DDRGK1: variants seen among roughly 807,000 people sequenced by gnomAD.
The protein encoded by DDRGK1 is DDRGK domain containing 1.
Under a neutral mutation model 45.8 loss-of-function variants are expected in DDRGK1, and 38 were observed. The ratio of observed to expected loss-of-function variants is 0.83; its 90% CI spans 0.64 to 1.09. DDRGK1 has a LOEUF of 1.09. Among genes scored for constraint, DDRGK1 ranks in the 50% least tolerant of loss-of-function variants. DDRGK1 has a pLI of 0.00. For synonymous variants in DDRGK1, 171 were observed against 168.7 expected (o/e 1.01, Z -0.11); for missense variants, 403 against 419.9 (o/e 0.96, Z 0.35).
chr20:3,191,130 C>A (rs2066987768), intron 8 of DDRGK1, 60 bp downstream of exon 8: 5 of 1,603,424 alleles, frequency 3.1e-6, no homozygotes, highest in Admixed American at 1.7e-5. Flanking sequence ...ATCCCTGCAG[C>A]CCCTGTGGCT....
At position 3,191,221 on chromosome 20, in the gene DDRGK1, G is replaced by C. The variant is rs1215711018; in HGVS notation, c.747C>G (p.Ile249Met). The C allele has an allele frequency of 1.2e-6, 2 of 1,614,166 alleles. No individual in the cohort carries two copies. Among genetic ancestry groups the C allele is most frequent in the Admixed American group, 3.3e-5 (2 of 60,016 alleles). Residue 249 changes from isoleucine (I) to methionine (M), a missense_variant, in exon 8 of 9, where the codon ATC becomes ATG. Ile to Met is a conservative substitution (Grantham distance 10). Coordinates refer to ENST00000354488, the MANE Select transcript of DDRGK1 (RefSeq NM_023935.3). ...TAGTCCCCTCAGCCAGCAGGTCCTG[G>C]ATGCGATTTATGGTGTCCTATGAGG... ...GLRTQDTINR[I>M]QDLLAEGTIT...
chr20:3,197,676 T>A (rs1025395704), intron 4 of DDRGK1, among the ~76,000 whole-genome samples: 1 of 152,034 alleles, frequency 6.6e-6, no homozygotes, highest in African/African-American at 2.4e-5. Flanking sequence ...ACACATGTAA[T>A]CCCAGCACTT....
chr20:3,196,919 T>C (rs1458886920), intron 4 of DDRGK1, among the ~76,000 whole-genome samples: 2 of 151,492 alleles, frequency 1.3e-5, no homozygotes, highest in East Asian at 3.9e-4. Flanking sequence ...CATGAGTCTA[T>C]ACAAATATAA....
intron 4 of DDRGK1, among the ~76,000 whole-genome samples, chr20:3,196,521 CA>C (rs11382726): frequency 0.016 from 2,319 of 145,978 alleles, 104 homozygotes; most frequent in African/African-American, 0.056. Context: ...ACTAAAAATA[CA>C]AAAAAAAAAT....
chr20:3,204,435 GC>G, intron 1 of DDRGK1, 101 bp downstream of exon 1: 2 of 1,238,988 alleles, frequency 1.6e-6, no homozygotes, highest in Non-Finnish European at 2.2e-6. Context: ...CGTCCCGCCC[GC>G]CCAGGTGCGC....
At chr20:3,191,689 C>G in intron 7 of DDRGK1, 76 bp downstream of exon 7, 1 of 1,498,964 alleles carries the variant, frequency 6.7e-7, no homozygotes, top group Non-Finnish European at 9.1e-7. Context: ...AAGACTCTAT[C>G]TTTAGGGCAG....
intron 4 of DDRGK1, 22 bp from the exon 5 acceptor site, chr20:3,195,375 G>A (rs2067005875): frequency 6.4e-7 from 1 of 1,572,286 alleles, no homozygotes; most frequent in African/African-American, 1.4e-5. Flanking sequence ...GGAGGCAAAA[G>A]TCAGGTATCG....
chr20:3,201,688 C>T (rs1162114158), intron 2 of DDRGK1, among the ~76,000 whole-genome samples: 30 of 150,136 alleles, frequency 2.0e-4, no homozygotes, highest in African/African-American at 6.6e-4. Context: ...GACGGAGTCT[C>T]GCTCTGTTGC....
chr20:3,194,711 C>A, intron 6 of DDRGK1, 119 bp downstream of exon 6: 2 of 1,335,184 alleles, frequency 1.5e-6, no homozygotes, highest in Middle Eastern at 2.5e-4. Context: ...CCCCTCTGGG[C>A]CCCCCTGTCC....
chr20:3,203,387 GCTC>G lies in DDRGK1; in HGVS notation c.118_120del (p.Glu40del). 1 of 1,601,026 alleles carries G rather than the reference GCTC, an allele frequency of 6.2e-7. No individual in the cohort carries two copies. The highest frequency in any genetic ancestry group is 1.1e-5 in the South Asian group (1 of 90,188). On this transcript the variant is annotated inframe_deletion, in exon 2 of 9. Transcript: ENST00000354488. ...TGGGCCACCCGGCCTGCTCCTGCCAGCTCCTCATTGTGCAGTGGCTCTTGGCCG... is the reference window on the plus strand; with the variant it reads ...TGGGCCACCCGGCCTGCTCCTGCCAGCTCATTGTGCAGTGGCTCTTGGCCG...
rs1370873405 is a variant in DDRGK1 at position 3,200,033 on chromosome 20, C to T, written c.478G>A (p.Glu160Lys). Reference protein sequence around the residue: ...SQREAEWKKEEERLRLEEEQK... With the variant: ...SQREAEWKKEKERLRLEEEQK... ...TCCTCCTCCAGGCGAAGCCGCTCCT[C>T]CTCCTTCTTCCACTCAGCTTCGCGC... The change falls in exon 4 of 9, where the codon GAG becomes AAG. Residue 160 changes from glutamate to lysine, a missense_variant. By Grantham distance (56) the Glu-to-Lys change is moderately conservative. Coordinates refer to ENST00000354488, the MANE Select transcript of DDRGK1 (RefSeq NM_023935.3). 6.2e-7 allele frequency: 1 copy of T among 1,613,852 alleles called. No homozygotes were observed. Among genetic ancestry groups the T allele is most frequent in the South Asian group, 1.1e-5 (1 of 91,024 alleles).
chr20:3,204,453 A>G, intron 1 of DDRGK1, 84 bp downstream of exon 1: 5 of 1,396,740 alleles, frequency 3.6e-6, no homozygotes, highest in Non-Finnish European at 4.8e-6. Flanking sequence ...GCGCACGCGC[A>G]GGAGCCGCGG....
intron 4 of DDRGK1, among the ~76,000 whole-genome samples, chr20:3,196,494 G>T (rs556165383): frequency 1.2e-4 from 18 of 145,264 alleles, no homozygotes; most frequent in Non-Finnish European, 2.1e-4. Context: ...TGGCTAACAC[G>T]GTGAAACCCT....
chr20:3,192,448 C>T (rs1470241194), intron 6 of DDRGK1, among the ~76,000 whole-genome samples: 1 of 152,208 alleles, frequency 6.6e-6, no homozygotes, highest in Non-Finnish European at 1.5e-5. Context: ...TCAGTAGAGG[C>T]TGTGGGGGCC....
At chr20:3,197,226 A>G (rs1342279718) in intron 4 of DDRGK1, among the ~76,000 whole-genome samples, 14 of 23,364 alleles carry the variant, frequency 6.0e-4, no homozygotes, top group African/African-American at 1.5e-3. Flanking sequence ...CCATCTCAGA[A>G]AAAAAAAAAA....
chr20:3,192,741 G>A (rs116529967), intron 6 of DDRGK1, among the ~76,000 whole-genome samples: 3,775 of 152,262 alleles, frequency 0.025, 162 homozygotes, highest in African/African-American at 0.085. Context: ...CACAGCACAG[G>A]ACTTGAGAAA....
At chr20:3,204,490 G>A (rs1228759160) in intron 1 of DDRGK1, 47 bp downstream of exon 1, 7 of 1,526,000 alleles carry the variant, frequency 4.6e-6, no homozygotes, top group Non-Finnish European at 6.2e-6. Flanking sequence ...GGCTCAGAAG[G>A]CCAGAAAACC....
intron 4 of DDRGK1, among the ~76,000 whole-genome samples, chr20:3,197,705 G>A (rs1272656006): frequency 6.6e-6 from 1 of 151,876 alleles, no homozygotes; most frequent in East Asian, 1.9e-4. Context: ...TGAGGTGGGT[G>A]GATCACCTGA....
At chr20:3,199,314 G>A (rs541808335) in intron 4 of DDRGK1, among the ~76,000 whole-genome samples, 18 of 152,276 alleles carry the variant, frequency 1.2e-4, no homozygotes, top group Admixed American at 7.9e-4. Flanking sequence ...TACATTAAGC[G>A]GGACCAATAT....
Sources: gnomAD v4.1 joint callset for allele counts (sites outside exome capture counted in the v4.1 genomes callset) on GRCh38, gnomAD v4.1.1 for gene constraint, MANE v1.5 for transcripts, NCBI Gene and HGNC (gene_info 2026-07-23, HGNC 2026-07-21) for gene names.